The following IGF2BP2 variants were observed in gnomAD, a reference collection of about 807,000 sequenced individuals.
IGF2BP2 encodes insulin like growth factor 2 mRNA binding protein 2.
In IGF2BP2, 17 loss-of-function variants were observed where a neutral mutation model predicts 75.8. The ratio of observed to expected loss-of-function variants is 0.22; its 90% CI spans 0.15 to 0.34. The LOEUF (loss-of-function observed/expected upper bound fraction) is 0.34, where lower values mean the gene tolerates loss of function less well. Among genes scored for constraint, IGF2BP2 ranks in the 10% least tolerant of loss-of-function variants. The pLI is 1.00. For synonymous variants in IGF2BP2, 288 were observed against 295.6 expected, an observed-to-expected ratio of 0.97 and a Z score of 0.26; for missense variants, 516 against 772.4, an observed-to-expected ratio of 0.67 and a Z score of 3.93.
Position 185,824,849 on chromosome 3 carries a change from A to T in IGF2BP2, c.112T>A (p.Ser38Thr). 6.4e-7 allele frequency: 1 copy of T among 1,550,688 alleles called. No individual in the cohort carries two copies. Among genetic ancestry groups the T allele is most frequent in the Non-Finnish European group, 8.7e-7 (1 of 1,147,678 alleles). The change falls in exon 1 of 16, where the codon TCC becomes ACC. Residue 38 changes from serine (S) to threonine (T), a missense_variant. This residue lies in a region of IGF2BP2 where 312 missense variants were observed against 474.5 expected (regional missense o/e 0.66). Coordinates refer to ENST00000382199, the MANE Select transcript of IGF2BP2 (RefSeq NM_006548.6). ...GGGTAGTCCACGAAGGCGTAGCCGG[A>T]CTTCAGCAGGACCTGTCCCGCCAGG... ...LPLAGQVLLK[S>T]GYAFVDYPDQ... is the part of the protein sequence containing the mutation.
At chr3:185,716,090 A>G (rs1725567101) in intron 2 of IGF2BP2, among the ~76,000 whole-genome samples, 1 of 152,158 alleles carries the variant, frequency 6.6e-6, no homozygotes, top group Non-Finnish European at 1.5e-5. Context: ...ACACTTCTTG[A>G]AAGCATAACA....
intron 2 of IGF2BP2, among the ~76,000 whole-genome samples, chr3:185,789,679 C>T (rs1736372731): frequency 6.6e-6 from 1 of 151,736 alleles, no homozygotes; most frequent in Admixed American, 6.6e-5. Context: ...AAAAAAACCC[C>T]TTTTGCTTCA....
chr3:185,706,526 G>C (rs1560328198), intron 2 of IGF2BP2, among the ~76,000 whole-genome samples: 1 of 152,190 alleles, frequency 6.6e-6, no homozygotes, highest in African/African-American at 2.4e-5. Flanking sequence ...ACAAGATGGT[G>C]AAGGAATTCC....
chr3:185,734,759 A>C (rs1349523223), intron 2 of IGF2BP2, among the ~76,000 whole-genome samples: 1 of 152,230 alleles, frequency 6.6e-6, no homozygotes, highest in Non-Finnish European at 1.5e-5. Context: ...ACTCAGGCTA[A>C]AACCTAACTC....
At chr3:185,823,413 G>A (rs1326333464) in intron 1 of IGF2BP2, 200 bp from the exon 2 acceptor site, 2 of 481,744 alleles carry the variant, frequency 4.2e-6, no homozygotes, top group African/African-American at 2.0e-5. Context: ...AAGGCGAGGA[G>A]GGTGCGAGCC....
At chr3:185,761,404 G>T (rs1436488328) in intron 2 of IGF2BP2, among the ~76,000 whole-genome samples, 1 of 152,202 alleles carries the variant, frequency 6.6e-6, no homozygotes. Flanking sequence ...GGGGCCCTGG[G>T]CTGATGCCTC....
At chr3:185,758,124 G>A (rs915409083) in intron 2 of IGF2BP2, among the ~76,000 whole-genome samples, 5 of 152,182 alleles carry the variant, frequency 3.3e-5, no homozygotes, top group Non-Finnish European at 7.3e-5. Context: ...ACTTCTGAAT[G>A]GCAACAGGAG....
chr3:185,689,803 C>G (rs908782376), intron 5 of IGF2BP2, among the ~76,000 whole-genome samples, 176 bp from the exon 6 acceptor site: 1 of 151,694 alleles, frequency 6.6e-6, no homozygotes, highest in African/African-American at 2.4e-5. Context: ...CCCGTCTCTA[C>G]TAAAAATACA....
intron 2 of IGF2BP2, among the ~76,000 whole-genome samples, chr3:185,761,364 G>A (rs1193216083): frequency 1.3e-5 from 2 of 152,250 alleles, no homozygotes; most frequent in Admixed American, 6.5e-5. Context: ...TAAACAAAAG[G>A]AAGAAAACAG....
chr3:185,762,532 CAA>C (rs550663727), intron 2 of IGF2BP2, among the ~76,000 whole-genome samples: 136 of 90,910 alleles, frequency 1.5e-3, no homozygotes, highest in African/African-American at 4.3e-3. Context: ...AGCTCGGTCT[CAA>C]AAAAAAAAAA....
intron 6 of IGF2BP2, 95 bp from the exon 7 acceptor site, chr3:185,687,286 C>T: frequency 7.7e-7 from 1 of 1,299,386 alleles, no homozygotes; most frequent in Non-Finnish European, 1.0e-6. Context: ...ACAGCAAGGA[C>T]ACAGACAGAC....
chr3:185,746,152 C>T (rs1730220193), intron 2 of IGF2BP2, among the ~76,000 whole-genome samples: 1 of 152,104 alleles, frequency 6.6e-6, no homozygotes, highest in Non-Finnish European at 1.5e-5. Context: ...GAAAATCTCC[C>T]CAACACATAT....
At chr3:185,743,908 G>A (rs990407850) in intron 2 of IGF2BP2, among the ~76,000 whole-genome samples, 2 of 152,146 alleles carry the variant, frequency 1.3e-5, no homozygotes, top group Non-Finnish European at 2.9e-5. Flanking sequence ...GTAGGAAAGA[G>A]GTTTTTAACA....
At chr3:185,665,250 G>A (rs903284130) in intron 10 of IGF2BP2, among the ~76,000 whole-genome samples, 1 of 144,986 alleles carries the variant, frequency 6.9e-6, no homozygotes, top group Non-Finnish European at 1.5e-5. Flanking sequence ...AGGAGAAGAA[G>A]GAGAAGGAGG....
At chr3:185,679,714 T>C (rs535214839) in intron 7 of IGF2BP2, among the ~76,000 whole-genome samples, 2 of 152,324 alleles carry the variant, frequency 1.3e-5, no homozygotes, top group South Asian at 4.1e-4. Context: ...CCTCCCAGGC[T>C]AAAGTGATTC....
chr3:185,824,604 GGGAGCGGGCCGTCCCA>G (rs1356264464), intron 1 of IGF2BP2, among the ~76,000 whole-genome samples, 163 bp downstream of exon 1: 82 of 151,776 alleles, frequency 5.4e-4, no homozygotes, highest in African/African-American at 1.8e-3. Context: ...GTGGGGGGAG[GGGAGCGGGCCGTCCCA>G]GGAGCGGGCC....
At chr3:185,648,045 G>A (rs1000322900) in intron 14 of IGF2BP2, among the ~76,000 whole-genome samples, 6 of 152,224 alleles carry the variant, frequency 3.9e-5, no homozygotes, top group African/African-American at 1.4e-4. Context: ...CTGGAGCGCC[G>A]ACTGCATTCT....
At chr3:185,686,943 C>A in intron 7 of IGF2BP2, 114 bp downstream of exon 7, 2 of 1,130,632 alleles carry the variant, frequency 1.8e-6, no homozygotes, top group Admixed American at 2.3e-5. Context: ...TCCCTCCCTG[C>A]CTCTGTTACT....
At chr3:185,823,531 G>A (rs538468881) in intron 1 of IGF2BP2, among the ~76,000 whole-genome samples, 1 of 152,288 alleles carries the variant, frequency 6.6e-6, no homozygotes, top group African/African-American at 2.4e-5. Context: ...CAAGCTGCAG[G>A]GCTGGCGCGG....
Sources: gnomAD v4.1 joint callset for allele counts (sites outside exome capture counted in the v4.1 genomes callset) on GRCh38, gnomAD v4.1.1 for gene constraint, gnomAD v4.1.1 regional missense constraint, MANE v1.5 for transcripts, NCBI Gene and HGNC (gene_info 2026-07-23, HGNC 2026-07-21) for gene names.